SORCS3: variants seen among roughly 807,000 people sequenced by gnomAD.
The protein encoded by SORCS3 is sortilin related VPS10 domain containing receptor 3, also known as VPS10 domain-containing receptor SorCS3.
In SORCS3, 57 loss-of-function variants were observed where a neutral mutation model predicts 146.3. The ratio of observed to expected loss-of-function variants is 0.39; its 90% confidence interval spans 0.31 to 0.49. The LOEUF is 0.49. SORCS3 is among the 20% of genes least tolerant of loss of function. The pLI is 0.92. For missense variants in SORCS3, 1,341 were observed against 1,575.5 expected (o/e 0.85, Z 2.52); for synonymous variants, 653 against 618.5 (o/e 1.06, Z -0.83).
chr10:104,734,339 G>A (rs2016743971), intron 1 of SORCS3, among the ~76,000 whole-genome samples: 2 of 152,214 alleles, frequency 1.3e-5, no homozygotes. Context: ...AATTACAGTA[G>A]TAAGGGGGCC....
chr10:104,922,577 G>T (rs1214167562), intron 3 of SORCS3, among the ~76,000 whole-genome samples: 1 of 152,226 alleles, frequency 6.6e-6, no homozygotes, highest in Non-Finnish European at 1.5e-5. Context: ...ATGTGAAAAT[G>T]AGGGCCCAGC....
chr10:104,947,489 C>T (rs116185693), intron 3 of SORCS3, among the ~76,000 whole-genome samples: 3,013 of 152,142 alleles, frequency 0.02, 105 homozygotes, highest in African/African-American at 0.068. Flanking sequence ...AACACGGAGG[C>T]GGGGTCCTTT....
intron 23 of SORCS3, among the ~76,000 whole-genome samples, chr10:105,255,049 G>C (rs1464804989): frequency 6.6e-6 from 1 of 151,724 alleles, no homozygotes. Context: ...TTAGCCGGGC[G>C]AGGAGGCGTG....
chr10:104,893,623 C>G (rs972806578), intron 2 of SORCS3, among the ~76,000 whole-genome samples: 9 of 152,204 alleles, frequency 5.9e-5, no homozygotes. Flanking sequence ...TCCCCTGGTG[C>G]GAGACCTTTA....
intron 1 of SORCS3, among the ~76,000 whole-genome samples, chr10:104,799,887 A>G (rs2017604754): frequency 6.6e-6 from 1 of 152,080 alleles, no homozygotes; most frequent in Non-Finnish European, 1.5e-5. Context: ...CATGTTAGCC[A>G]GGATGGTCTT....
intron 2 of SORCS3, among the ~76,000 whole-genome samples, chr10:104,852,282 T>G (rs1346479857): frequency 6.6e-6 from 1 of 152,256 alleles, no homozygotes; most frequent in Non-Finnish European, 1.5e-5. Flanking sequence ...GACCCCAATC[T>G]GGATCTTCCA....
chr10:105,098,200 C>T (rs944610792), intron 6 of SORCS3, among the ~76,000 whole-genome samples: 1 of 152,132 alleles, frequency 6.6e-6, no homozygotes, highest in African/African-American at 2.4e-5. Flanking sequence ...TTTAAGACTT[C>T]AGAGGCCAAA....
At chr10:105,245,450 C>G in intron 20 of SORCS3, 92 bp from the exon 21 acceptor site, 1 of 1,467,388 alleles carries the variant, frequency 6.8e-7, no homozygotes. Context: ...TTTTCTTTTC[C>G]AAGTTAGGAT....
chr10:105,115,317 G>T (rs2055885715), intron 7 of SORCS3, among the ~76,000 whole-genome samples: 1 of 152,172 alleles, frequency 6.6e-6, no homozygotes, highest in Non-Finnish European at 1.5e-5. Flanking sequence ...GCTTTGAAAT[G>T]CTTTGAACGC....
At chr10:105,133,930 C>A (rs912529608) in intron 7 of SORCS3, among the ~76,000 whole-genome samples, 3 of 152,138 alleles carry the variant, frequency 2.0e-5, no homozygotes, top group African/African-American at 7.2e-5. Context: ...TGCACTCTAG[C>A]CTGGGTGACA....
At chr10:104,768,484 G>A (rs1219530707) in intron 1 of SORCS3, among the ~76,000 whole-genome samples, 1 of 152,092 alleles carries the variant, frequency 6.6e-6, no homozygotes, top group Admixed American at 6.5e-5. Flanking sequence ...TGGTTGAGAC[G>A]GGGCCAGGGA....
intron 13 of SORCS3, among the ~76,000 whole-genome samples, chr10:105,176,371 C>T (rs2056401733): frequency 6.6e-6 from 1 of 151,108 alleles, no homozygotes; most frequent in Non-Finnish European, 1.5e-5. Context: ...AAGCAACACC[C>T]CACCTCTACA....
intron 7 of SORCS3, among the ~76,000 whole-genome samples, chr10:105,122,305 A>G (rs889223130): frequency 2.0e-5 from 3 of 152,196 alleles, no homozygotes; most frequent in African/African-American, 7.2e-5. Flanking sequence ...GTAAATAATC[A>G]TTTTGAATTT....
In SORCS3 at chr10:105,178,077, A is replaced by G; in HGVS notation, c.1913A>G (p.Asp638Gly). Residue 638 changes from aspartate to glycine, a missense_variant, in exon 14 of 27, where the codon GAT becomes GGT. By Grantham distance (94) the Asp-to-Gly change is moderately conservative. Coordinates refer to ENST00000369701, the MANE Select transcript of SORCS3 (RefSeq NM_014978.3). ...LPVRHLWVSF[D>G]EGHSWDKYGF... is the part of the protein sequence containing the mutation. Reference sequence around the variant, plus strand: ...TGTTTCCAACACAGGGTGAGTTTTGATGAGGGCCACTCTTGGGACAAGTAT... The same window carrying G: ...TGTTTCCAACACAGGGTGAGTTTTGGTGAGGGCCACTCTTGGGACAAGTAT... 6.2e-7 allele frequency: 1 copy of G among 1,613,092 alleles called. No homozygotes were observed. The highest frequency in any genetic ancestry group is 8.5e-7 in the Non-Finnish European group (1 of 1,179,492).
chr10:105,014,240 T>C (rs1218343243), intron 4 of SORCS3, among the ~76,000 whole-genome samples: 3 of 151,568 alleles, frequency 2.0e-5, no homozygotes, highest in African/African-American at 4.8e-5. Context: ...GAAATTTGGA[T>C]TGGAACCTGT....
chr10:104,878,617 T>A (rs2018600027), intron 2 of SORCS3, among the ~76,000 whole-genome samples: 1 of 152,210 alleles, frequency 6.6e-6, no homozygotes, highest in East Asian at 1.9e-4. Flanking sequence ...AAGGGTTAGG[T>A]ATTTTATATG....
At chr10:104,875,321 A>G (rs1308743607) in intron 2 of SORCS3, among the ~76,000 whole-genome samples, 1 of 152,170 alleles carries the variant, frequency 6.6e-6, no homozygotes, top group Non-Finnish European at 1.5e-5. Flanking sequence ...TTGGTTTTAC[A>G]GTAGTGGGTT....
In SORCS3 at chr10:105,060,194, G is replaced by A. The variant is rs533320012; in HGVS notation, c.1028+17066G>A. On this transcript the variant is annotated intron_variant, in intron 5 of 26. Transcript: ENST00000369701. ...AATTTCAACAGGCAAGCTTGTGTGC[G>A]TGCTTGTGGATCCTCTGGCATGGTG... 2.6e-5 allele frequency among the ~76,000 whole-genome samples: 4 copies of A among 152,242 alleles called. No homozygotes were observed. In the East Asian group the frequency reaches 5.8e-4, roughly 22 times the overall value.
At chr10:105,022,636 G>A (rs1373575833) in intron 4 of SORCS3, among the ~76,000 whole-genome samples, 1 of 152,116 alleles carries the variant, frequency 6.6e-6, no homozygotes, top group Non-Finnish European at 1.5e-5. Flanking sequence ...CAATAAAGAT[G>A]TATCCCAATT....
Sources: gnomAD v4.1 joint callset for allele counts (sites outside exome capture counted in the v4.1 genomes callset) on GRCh38, gnomAD v4.1.1 for gene constraint, MANE v1.5 for transcripts, NCBI Gene and HGNC (gene_info 2026-07-23, HGNC 2026-07-21) for gene names.